Variants in PTPN4 observed in about 807,000 individuals in gnomAD.
The protein encoded by PTPN4 is tyrosine-protein phosphatase non-receptor type 4.
Under a neutral mutation model 135.5 loss-of-function variants are expected in PTPN4, and 49 were observed. The ratio of observed to expected loss-of-function variants is 0.36; its 90% CI spans 0.29 to 0.46. PTPN4 has a LOEUF of 0.46. PTPN4 is among the 20% of genes least tolerant of loss of function. The probability of loss-of-function intolerance (pLI) is 1.00; values close to 1 mark genes in which losing one functional copy is unlikely to be tolerated. For synonymous variants in PTPN4, 333 were observed against 369.9 expected (o/e 0.90, Z 1.14); for missense variants, 860 against 1,101.0 (o/e 0.78, Z 3.10).
chr2:119,924,917 A>G (rs904072120), intron 12 of PTPN4, among the ~76,000 whole-genome samples: 1 of 152,180 alleles, frequency 6.6e-6, no homozygotes, highest in African/African-American at 2.4e-5. Flanking sequence ...ATGCTGGGAA[A>G]ACAAAAGGGT....
At chr2:119,872,746 T>C (rs373664104) in intron 3 of PTPN4, among the ~76,000 whole-genome samples, 1 of 152,176 alleles carries the variant, frequency 6.6e-6, no homozygotes, top group Non-Finnish European at 1.5e-5. Flanking sequence ...TTTGAACTTA[T>C]ATCACCCCAG....
rs116297023 is a variant in PTPN4 at position 119,840,257 on chromosome 2, C to T, written c.139-22279C>T. ...ATTAGGTATTCTTGATACTCTCCTTCCTCCCACCTCCCACCCTCTCACAGG... is the reference window on the plus strand; with the variant it reads ...ATTAGGTATTCTTGATACTCTCCTTTCTCCCACCTCCCACCCTCTCACAGG... On this transcript the variant is annotated intron_variant, in intron 2 of 26. Coordinates refer to ENST00000263708, the MANE Select transcript of PTPN4 (RefSeq NM_002830.4). 3.6e-3 allele frequency among the ~76,000 whole-genome samples: 549 copies of T among 152,270 alleles called. 3 individuals carry two copies. Among genetic ancestry groups the T allele is most frequent in the African/African-American group, 0.013 (527 of 41,540 alleles).
At chr2:119,885,713 GATAA>G (rs1678145795) in intron 8 of PTPN4, 78 bp from the exon 9 acceptor site, 2 of 1,000,508 alleles carry the variant, frequency 2.0e-6, no homozygotes, top group East Asian at 2.6e-5. Context: ...AGTTTTTTCA[GATAA>G]ATAGCCTTTT....
At position 119,760,196 on chromosome 2, in the gene PTPN4, C is replaced by A. The variant is rs1690454214; in HGVS notation, c.-206C>A. The A allele has an allele frequency of 7.6e-6, 3 of 395,370 alleles. No homozygotes were observed. The highest frequency in any genetic ancestry group is 6.4e-4 in the Middle Eastern group (1 of 1,570). The allele number at this position is 395,370 out of a possible 1,614,324, so 24.5% of individuals were successfully genotyped here. ...TGCCACCTCCCCAGCGGCGCCGGCC[C>A]GCGGCTGCCCAGCAGCATGAGGTGG... On this transcript the variant is annotated 5_prime_UTR_variant, in exon 1 of 27. Coordinates refer to ENST00000263708, the MANE Select transcript of PTPN4 (RefSeq NM_002830.4).
intron 1 of PTPN4, among the ~76,000 whole-genome samples, chr2:119,779,064 T>A (rs1212071391): frequency 6.6e-6 from 1 of 152,204 alleles, no homozygotes; most frequent in Non-Finnish European, 1.5e-5. Flanking sequence ...TTTTTTTTCC[T>A]TCTACAGGGT....
At chr2:119,885,191 A>G (rs1678138230) in intron 8 of PTPN4, among the ~76,000 whole-genome samples, 1 of 152,232 alleles carries the variant, frequency 6.6e-6, no homozygotes, top group Admixed American at 6.5e-5. Context: ...TTTGTAGAAT[A>G]TAATAAAAAT....
chr2:119,950,447 T>C (rs34726031), intron 18 of PTPN4, among the ~76,000 whole-genome samples: 1,646 of 152,304 alleles, frequency 0.011, 32 homozygotes, highest in African/African-American at 0.038. Context: ...CTCTAAGAAA[T>C]AATCAGAACT....
intron 24 of PTPN4, among the ~76,000 whole-genome samples, chr2:119,963,701 G>A (rs1679404053): frequency 6.6e-6 from 1 of 152,184 alleles, no homozygotes; most frequent in African/African-American, 2.4e-5. Flanking sequence ...AAAATTTTAT[G>A]GGCTAGAGTC....
At chr2:119,895,987 G>T (rs1402153256) in intron 9 of PTPN4, among the ~76,000 whole-genome samples, 1 of 151,510 alleles carries the variant, frequency 6.6e-6, no homozygotes, top group African/African-American at 2.4e-5. Flanking sequence ...ATTAGGGTAT[G>T]TGCAGAAAAT....
chr2:119,799,793 C>G (rs879330501), intron 1 of PTPN4, among the ~76,000 whole-genome samples: 2 of 152,156 alleles, frequency 1.3e-5, no homozygotes, highest in Non-Finnish European at 2.9e-5. Flanking sequence ...TGCTGGTTCT[C>G]TTTTCCTGTG....
At chr2:119,855,994 CG>C (rs1558746352) in intron 2 of PTPN4, among the ~76,000 whole-genome samples, 3 of 151,908 alleles carry the variant, frequency 2.0e-5, no homozygotes, top group South Asian at 2.1e-4. Flanking sequence ...TTAGTGGAGA[CG>C]GGGTTTTACT....
intron 11 of PTPN4, among the ~76,000 whole-genome samples, chr2:119,916,846 G>C (rs891455088): frequency 1.3e-5 from 2 of 151,998 alleles, no homozygotes; most frequent in African/African-American, 2.4e-5. Context: ...ACATTAGTTC[G>C]TTCCATTTAT....
chr2:119,853,953 G>C lies in PTPN4; in HGVS notation c.139-8583G>C, dbSNP rs377486848. ...AGTGGAAAGTTTAATAAGAAAGAAG[G>C]AAAAGGCTCCCCCATAGAGAGACAG... is the stretch of plus-strand genomic sequence containing the variant. On this transcript the variant is annotated intron_variant, in intron 2 of 26. Transcript: ENST00000263708. 5.9e-5 allele frequency among the ~76,000 whole-genome samples: 9 copies of C among 152,268 alleles called. No individual in the cohort carries two copies. The East Asian group carries it at 1.2e-3, about 20-fold the overall frequency.
intron 1 of PTPN4, among the ~76,000 whole-genome samples, chr2:119,784,844 C>T (rs1434306216): frequency 6.6e-6 from 1 of 151,786 alleles, no homozygotes; most frequent in Non-Finnish European, 1.5e-5. Context: ...GGTCAGTCTT[C>T]TAACTCTTGA....
At chr2:119,775,023 T>G (rs941153831) in intron 1 of PTPN4, among the ~76,000 whole-genome samples, 4 of 88,722 alleles carry the variant, frequency 4.5e-5, no homozygotes, top group East Asian at 3.5e-4. Flanking sequence ...AAAAAAAAAA[T>G]AAAAAGAAAA....
At chr2:119,921,882 A>G (rs1362129147) in intron 12 of PTPN4, among the ~76,000 whole-genome samples, 1 of 152,186 alleles carries the variant, frequency 6.6e-6, no homozygotes, top group African/African-American at 2.4e-5. Context: ...CAGGGTAGTT[A>G]TACAAGGACT....
chr2:119,975,943 A>G (rs1254094941), intron 26 of PTPN4, among the ~76,000 whole-genome samples: 3 of 151,238 alleles, frequency 2.0e-5, no homozygotes, highest in Admixed American at 6.6e-5. Flanking sequence ...ATTTCCCTCC[A>G]TCCCTTTATA....
At chr2:119,767,898 T>C (rs1690659056) in intron 1 of PTPN4, among the ~76,000 whole-genome samples, 1 of 152,228 alleles carries the variant, frequency 6.6e-6, no homozygotes, top group Non-Finnish European at 1.5e-5. Flanking sequence ...ATCGTTTTTT[T>C]CCTTTTGTAA....
At chr2:119,808,045 T>G (rs928562632) in intron 1 of PTPN4, among the ~76,000 whole-genome samples, 1 of 152,208 alleles carries the variant, frequency 6.6e-6, no homozygotes, top group Non-Finnish European at 1.5e-5. Context: ...CTAAAAACTT[T>G]CAATAAACTA....
Sources: allele counts gnomAD v4.1 joint callset (sites outside exome capture counted in the v4.1 genomes callset), GRCh38; gene constraint gnomAD v4.1.1; transcripts MANE v1.5; gene names NCBI Gene and HGNC (gene_info 2026-07-23, HGNC 2026-07-21).